The following PRKCA variants were observed in gnomAD, a reference collection of about 807,000 sequenced individuals.
PRKCA encodes protein kinase C alpha.
In PRKCA, 27 loss-of-function variants were observed where a neutral mutation model predicts 87.0. The ratio of observed to expected loss-of-function variants is 0.31; its 90% CI spans 0.23 to 0.43. The LOEUF is 0.43. Ranked by LOEUF, PRKCA falls within the 20% of genes least tolerant of loss-of-function variation. The pLI, the probability that PRKCA is intolerant of heterozygous loss-of-function variation, is 1.00. For missense variants in PRKCA, 518 were observed against 852.3 expected (o/e 0.61, Z 4.88); for synonymous variants, 329 against 311.1 (o/e 1.06, Z -0.61).
chr17:66,730,191 G>A (rs183525784), intron 8 of PRKCA, among the ~76,000 whole-genome samples: 56 of 152,324 alleles, frequency 3.7e-4, no homozygotes, highest in African/African-American at 1.2e-3. Context: ...CCAGAGAGCT[G>A]AGTGCATGTC....
intron 3 of PRKCA, among the ~76,000 whole-genome samples, chr17:66,564,680 G>A (rs1184776766): frequency 6.6e-6 from 1 of 152,094 alleles, no homozygotes; most frequent in Non-Finnish European, 1.5e-5. Context: ...TAGCACTACT[G>A]TTTTTAAAAG....
intron 14 of PRKCA, chr17:66,775,360 G>C: frequency 1.0e-6 from 1 of 985,220 alleles, no homozygotes; most frequent in South Asian, 4.7e-5. Context: ...GGATATCTTA[G>C]GGGCCGGCCT....
chr17:66,667,984 C>A (rs762650628), intron 5 of PRKCA, among the ~76,000 whole-genome samples: 16 of 152,190 alleles, frequency 1.1e-4, no homozygotes, highest in Non-Finnish European at 2.4e-4. Flanking sequence ...TTACTGCCAC[C>A]TTGGAGAAAT....
At position 66,561,383 on chromosome 17, in the gene PRKCA, A is replaced by G. The variant is rs7216098; in HGVS notation, c.288+65100A>G. ...CTCTGCCAAGAGAACAGGCAGAAGG[A>G]AGCCACATTTTACCCTTGAAGCCGG... On this transcript the variant is annotated intron_variant, in intron 3 of 16. Coordinates refer to ENST00000413366, the MANE Select transcript of PRKCA (RefSeq NM_002737.3). Among the ~76,000 whole-genome samples, 255 of 152,338 alleles carry G rather than the reference A, an allele frequency of 1.7e-3. 1 individual carries two copies. Among genetic ancestry groups the G allele is most frequent in the African/African-American group, 6.0e-3 (250 of 41,588 alleles).
At chr17:66,383,109 C>T (rs1232068568) in intron 2 of PRKCA, among the ~76,000 whole-genome samples, 1 of 127,146 alleles carries the variant, frequency 7.9e-6, no homozygotes, top group African/African-American at 3.2e-5. Context: ...ACATTTCTCT[C>T]CTATACTACA....
At chr17:66,686,168 C>T (rs1291209872) in intron 5 of PRKCA, among the ~76,000 whole-genome samples, 1 of 152,192 alleles carries the variant, frequency 6.6e-6, no homozygotes, top group Non-Finnish European at 1.5e-5. Flanking sequence ...TTTACGTTGA[C>T]GTGCAGTGGC....
chr17:66,781,598 A>G (rs1032290236), intron 14 of PRKCA, among the ~76,000 whole-genome samples: 1 of 152,186 alleles, frequency 6.6e-6, no homozygotes, highest in Non-Finnish European at 1.5e-5. Context: ...AGCCAGTCAC[A>G]GGGACGTGTA....
In PRKCA at chr17:66,513,671, C is replaced by T. The variant is rs1314782166; in HGVS notation, c.288+17388C>T. Among the ~76,000 whole-genome samples, 7 of 152,106 alleles carry T rather than the reference C, an allele frequency of 4.6e-5. No homozygotes were observed. In the East Asian group the frequency reaches 1.4e-3, roughly 29 times the overall value. The stretch of plus-strand genomic sequence containing the variant: ...TTTTTCTGCTAATATTCTTGGTGAG[C>T]AGTAGGGTGTTGTTAAGTAAATTGA... On this transcript the variant is annotated intron_variant, in intron 3 of 16. Transcript: ENST00000413366.
Position 66,796,930 on chromosome 17 carries a change from T to C in PRKCA, c.1855-6943T>C, listed in dbSNP as rs577761882. The C allele has an allele frequency of 2.0e-3, 1,992 of 985,434 alleles. 5 individuals are homozygous for C. The highest frequency in any genetic ancestry group is 2.3e-3 in the Non-Finnish European group (1,902 of 829,926). The allele number at this position is 985,434 out of a possible 1,614,324, so 61.0% of individuals were successfully genotyped here. On this transcript the variant is annotated intron_variant, in intron 16 of 16. Coordinates refer to ENST00000413366, the MANE Select transcript of PRKCA (RefSeq NM_002737.3). ...CGTTAGGTTTCCTTTCTCCATAGTCTTGCAACATCCCTTTACTCTTTATTT... is the reference window on the plus strand; with the variant it reads ...CGTTAGGTTTCCTTTCTCCATAGTCCTGCAACATCCCTTTACTCTTTATTT...
chr17:66,357,061 A>G (rs192457436), intron 2 of PRKCA, among the ~76,000 whole-genome samples: 2 of 152,382 alleles, frequency 1.3e-5, no homozygotes, highest in Admixed American at 6.5e-5. Context: ...CGCCCAGCCA[A>G]AATGAATTCT....
chr17:66,494,961 G>T (rs1025536300), intron 2 of PRKCA, among the ~76,000 whole-genome samples: 9 of 151,938 alleles, frequency 5.9e-5, no homozygotes, highest in Admixed American at 5.9e-4. Context: ...AATGAGCAGG[G>T]TGTGGTGGCA....
chr17:66,317,073 C>T (rs768446092), intron 2 of PRKCA, among the ~76,000 whole-genome samples: 23 of 150,768 alleles, frequency 1.5e-4, no homozygotes, highest in Non-Finnish European at 2.9e-4. Context: ...ACCCGGAAAG[C>T]GGAGCTTGTA....
chr17:66,357,111 A>G (rs1016529023), intron 2 of PRKCA, among the ~76,000 whole-genome samples: 1 of 152,148 alleles, frequency 6.6e-6, no homozygotes, highest in Non-Finnish European at 1.5e-5. Context: ...AGATAGTTTG[A>G]TGGGGCAGGG....
chr17:66,329,629 G>A (rs1484175952), intron 2 of PRKCA, among the ~76,000 whole-genome samples: 1 of 152,202 alleles, frequency 6.6e-6, no homozygotes, highest in Non-Finnish European at 1.5e-5. Context: ...TGTGGTGTTA[G>A]GAAAGCCAAG....
chr17:66,570,836 G>A (rs768649278), intron 3 of PRKCA, among the ~76,000 whole-genome samples: 4 of 152,126 alleles, frequency 2.6e-5, no homozygotes, highest in Non-Finnish European at 4.4e-5. Context: ...TGGGCCCAAA[G>A]CCAAGAGCCC....
chr17:66,467,657 A>C (rs1667268047), intron 2 of PRKCA, among the ~76,000 whole-genome samples: 1 of 152,162 alleles, frequency 6.6e-6, no homozygotes, highest in Non-Finnish European at 1.5e-5. Flanking sequence ...TCCTGGGCTC[A>C]AGCGATCCTC....
intron 2 of PRKCA, among the ~76,000 whole-genome samples, chr17:66,452,291 C>T (rs1914366688): frequency 6.6e-6 from 1 of 152,156 alleles, no homozygotes; most frequent in Non-Finnish European, 1.5e-5. Context: ...GCTAAGGAGC[C>T]AGACCTCAGA....
chr17:66,764,674 A>C (rs187674571), intron 13 of PRKCA, among the ~76,000 whole-genome samples: 1 of 152,088 alleles, frequency 6.6e-6, no homozygotes, highest in East Asian at 1.9e-4. Context: ...CCACAGCTCA[A>C]CCTCCCATGT....
At chr17:66,659,849 G>T (rs907873199) in intron 5 of PRKCA, among the ~76,000 whole-genome samples, 2 of 152,218 alleles carry the variant, frequency 1.3e-5, no homozygotes. Context: ...AGAAACTGAG[G>T]CGTTTATTGC....
Sources: allele counts gnomAD v4.1 joint callset (sites outside exome capture counted in the v4.1 genomes callset), GRCh38; gene constraint gnomAD v4.1.1; transcripts MANE v1.5; gene names NCBI Gene and HGNC (gene_info 2026-07-23, HGNC 2026-07-21).